Variants in SIN3A observed in about 807,000 individuals in gnomAD.
SIN3A encodes the protein paired amphipathic helix protein Sin3a.
In SIN3A, 14 loss-of-function variants were observed where a neutral mutation model predicts 146.1. The ratio of observed to expected loss-of-function variants is 0.10; its 90% CI spans 0.06 to 0.15. SIN3A has a LOEUF of 0.15. Among genes scored for constraint, SIN3A ranks in the 10% least tolerant of loss-of-function variants. The pLI is 1.00. For synonymous variants in SIN3A, 572 were observed against 572.0 expected, an observed-to-expected ratio of 1.00 and a Z score of 0.00; for missense variants, 1,028 against 1,576.0, an observed-to-expected ratio of 0.65 and a Z score of 5.89.
At position 75,379,712 on chromosome 15, in the gene SIN3A, C is replaced by G. The variant is rs547509846; in HGVS notation, c.3383+917G>C. ...ACTGGGATGATACTTTCTTGGAAAC[C>G]TAAGACATAAGATTTCAATTCAAAA... On this transcript the variant is annotated intron_variant, in intron 19 of 20. Transcript: ENST00000394947. 1.1e-4 allele frequency among the ~76,000 whole-genome samples: 16 copies of G among 152,296 alleles called. No homozygotes were observed. In the East Asian group the frequency reaches 3.1e-3, roughly 29 times the overall value.
Position 75,394,663 on chromosome 15 carries a change from A to G in SIN3A, c.2277+17T>C. Reference sequence around the variant, plus strand: ...TAGACTAGAGTCCTCTCACAGATGCAGAAACCCCCCGCTCACCTCATCATA... The same window carrying G: ...TAGACTAGAGTCCTCTCACAGATGCGGAAACCCCCCGCTCACCTCATCATA... On this transcript the variant is annotated intron_variant, in intron 14 of 20. Coordinates refer to ENST00000394947, the MANE Select transcript of SIN3A (RefSeq NM_001145358.2). The G allele has an allele frequency of 6.3e-7, 1 of 1,588,356 alleles. No individual in the cohort carries two copies. Among genetic ancestry groups the G allele is most frequent in the Non-Finnish European group, 8.6e-7 (1 of 1,168,504 alleles).
Position 75,422,974 on chromosome 15 carries a change from A to G in SIN3A, c.190-151T>C, listed in dbSNP as rs2073864174. 4.1e-6 allele frequency: 3 copies of G among 727,340 alleles called. No homozygotes were observed. In the South Asian group the frequency reaches 5.6e-5, roughly 14 times the overall value. The allele number at this position is 727,340 out of a possible 1,614,324, so 45.1% of individuals were successfully genotyped here. A position where few individuals can be genotyped will look rare whatever the true frequency, so the allele number is the denominator to read the frequency against. ...TGGCTCACACCTATCTCACCTACATAGGAAGATCGCCTGAACTCAGGAGTT... is the reference window on the plus strand; with the variant it reads ...TGGCTCACACCTATCTCACCTACATGGGAAGATCGCCTGAACTCAGGAGTT... On this transcript the variant is annotated intron_variant, in intron 2 of 20. Coordinates refer to ENST00000394947, the MANE Select transcript of SIN3A (RefSeq NM_001145358.2).
intron 1 of SIN3A, among the ~76,000 whole-genome samples, chr15:75,447,395 G>A (rs1461128976): frequency 6.6e-6 from 1 of 152,208 alleles, no homozygotes; most frequent in Non-Finnish European, 1.5e-5. Flanking sequence ...ATGTCTCTTA[G>A]TTATCCAAGA....
chr15:75,379,081 A>T (rs762154996), intron 19 of SIN3A, among the ~76,000 whole-genome samples: 47 of 151,986 alleles, frequency 3.1e-4, no homozygotes, highest in Admixed American at 9.2e-4. Flanking sequence ...CTGTATTTTT[A>T]GTAGAGACAG....
intron 18 of SIN3A, chr15:75,380,969 A>G (rs2072953456): frequency 3.0e-6 from 1 of 336,402 alleles, no homozygotes; most frequent in Non-Finnish European, 5.6e-6. Context: ...AACAGGTAGA[A>G]GCTGGCTCAC....
At position 75,411,677 on chromosome 15, in the gene SIN3A, G is replaced by A. The variant is rs146547140; in HGVS notation, c.823C>T (p.Pro275Ser). 4 of 1,613,926 alleles carry A rather than the reference G, an allele frequency of 2.5e-6. No individual in the cohort carries two copies. Among genetic ancestry groups the A allele is most frequent in the African/African-American group, 1.3e-5 (1 of 74,938 alleles). ...QTPPLPPYAS[P>S]RSPPVQPHTP... ...TGAGGCTGGACCGGCGGAGAACGTG[G>A]GGATGCATACGGTGGAAGTGGGGGA... Residue 275 changes from proline (P) to serine (S), a missense_variant, in exon 6 of 21, where the codon CCA (proline) becomes TCA (serine). By Grantham distance (74) the Pro-to-Ser change is moderately conservative. This residue lies in a region of SIN3A where 112 missense variants were observed against 135.7 expected (regional missense o/e 0.83). Coordinates refer to ENST00000394947, the MANE Select transcript of SIN3A (RefSeq NM_001145358.2).
chr15:75,424,635 T>C (rs1472615786), intron 2 of SIN3A, among the ~76,000 whole-genome samples: 1 of 152,016 alleles, frequency 6.6e-6, no homozygotes, highest in African/African-American at 2.4e-5. Flanking sequence ...CCACCATGCC[T>C]GGTTAATTGT....
upstream of SIN3A, chr15:75,455,119 C>T (rs906192944): frequency 6.6e-6 from 1 of 151,284 alleles, no homozygotes; most frequent in African/African-American, 2.4e-5. Flanking sequence ...CCACAGTGCC[C>T]GCGCCTCTCC....
At chr15:75,408,768 T>A (rs2073568931) in intron 8 of SIN3A, among the ~76,000 whole-genome samples, 1 of 152,158 alleles carries the variant, frequency 6.6e-6, no homozygotes. Flanking sequence ...ACAAAGAACT[T>A]TGAGCAGGAC....
intron 20 of SIN3A, among the ~76,000 whole-genome samples, chr15:75,375,438 C>CA (rs752809762): frequency 2.6e-5 from 4 of 152,218 alleles, no homozygotes; most frequent in Non-Finnish European, 4.4e-5. Flanking sequence ...ACACTGCTGA[C>CA]ACTTGACTTT....
intron 8 of SIN3A, 58 bp downstream of exon 8, chr15:75,409,778 A>G (rs1159042277): frequency 4.6e-5 from 72 of 1,560,760 alleles, no homozygotes; most frequent in Non-Finnish European, 5.9e-5. Flanking sequence ...CCTCTAGAGT[A>G]CCTCTCCATT....
chr15:75,376,077 C>A, intron 19 of SIN3A: 3 of 600,524 alleles, frequency 5.0e-6, no homozygotes, highest in Non-Finnish European at 8.8e-6. Flanking sequence ...TTCACCCATC[C>A]CCTACTTGAC....
At chr15:75,449,187 C>G (rs2074358456) in intron 1 of SIN3A, among the ~76,000 whole-genome samples, 1 of 152,184 alleles carries the variant, frequency 6.6e-6, no homozygotes, top group Non-Finnish European at 1.5e-5. Flanking sequence ...GAAAAAACCA[C>G]CTGGATTTTT....
chr15:75,453,767 C>G (rs2074445337), upstream of SIN3A: 1 of 152,394 alleles, frequency 6.6e-6, no homozygotes, highest in Admixed American at 6.5e-5. Context: ...TAGTACTTGG[C>G]CCCGGCCCCG....
At chr15:75,432,647 C>T (rs1457780453) in intron 1 of SIN3A, among the ~76,000 whole-genome samples, 3 of 142,564 alleles carry the variant, frequency 2.1e-5, no homozygotes, top group Admixed American at 7.3e-5. Context: ...GGTCCCACCA[C>T]TGCACTCCAG....
intron 6 of SIN3A, among the ~76,000 whole-genome samples, chr15:75,411,056 C>T (rs184225073): frequency 1.3e-5 from 2 of 151,296 alleles, no homozygotes; most frequent in East Asian, 1.9e-4. Flanking sequence ...AGCATGGGGG[C>T]GGTGGCTCAC....
chr15:75,408,377 A>G (rs1255528648), intron 8 of SIN3A, among the ~76,000 whole-genome samples: 2 of 152,272 alleles, frequency 1.3e-5, no homozygotes, highest in Non-Finnish European at 2.9e-5. Context: ...GGATACTTCA[A>G]AAGTGTCAGT....
At chr15:75,418,309 C>CGTAA (rs1291166326) in intron 3 of SIN3A, among the ~76,000 whole-genome samples, 1 of 150,918 alleles carries the variant, frequency 6.6e-6, no homozygotes, top group African/African-American at 2.4e-5. Flanking sequence ...GGATTACAGG[C>CGTAA]GTAAGCCACT....
chr15:75,384,324 G>C lies in SIN3A; in HGVS notation c.3135C>G (p.Leu1045=). The C allele has an allele frequency of 6.2e-7, 1 of 1,613,666 alleles. No individual in the cohort carries two copies. Among genetic ancestry groups the C allele is most frequent in the Non-Finnish European group, 8.5e-7 (1 of 1,179,726 alleles). Residue 1045 remains leucine, a synonymous_variant, in exon 17 of 21, where the codon CTC becomes CTG. Transcript: ENST00000394947. The part of the protein sequence containing the change: ...GQLNTQNSRS[L]LESTYQRKAE... ...CTTTCCGCTGATACGTTGACTCCAG[G>C]AGGCTCCTTGAGTTCTGTGTGTTCA... is the stretch of plus-strand genomic sequence containing the variant.
Sources: allele counts gnomAD v4.1 joint callset (sites outside exome capture counted in the v4.1 genomes callset), GRCh38; gene constraint gnomAD v4.1.1; regional missense constraint gnomAD v4.1.1; transcripts MANE v1.5; gene names NCBI Gene and HGNC (gene_info 2026-07-23, HGNC 2026-07-21).